The following ENTREP2 variants were observed in gnomAD, a reference collection of about 807,000 sequenced individuals.
ENTREP2 encodes the protein endosomal transmembrane epsin interactor 2, also known as protein ENTREP2.
At chr15:29,625,879 G>C in the ENTREP2 span, among the ~76,000 whole-genome samples, 1 of 148,098 alleles carries the variant, frequency 6.8e-6, no homozygotes, top group Non-Finnish European at 1.5e-5. Flanking sequence ...TTTATTTTTT[G>C]CTCTGTGCCC....
the ENTREP2 span, among the ~76,000 whole-genome samples, chr15:29,143,354 C>T: frequency 6.6e-6 from 1 of 152,234 alleles, no homozygotes; most frequent in Non-Finnish European, 1.5e-5. Flanking sequence ...CAGCCTGGGT[C>T]CTTCCTGCTA....
At chr15:29,305,102 G>A in the ENTREP2 span, among the ~76,000 whole-genome samples, 2 of 152,164 alleles carry the variant, frequency 1.3e-5, no homozygotes, top group East Asian at 1.9e-4. Context: ...TTTGTTCCCT[G>A]ATCTATCTCA....
the ENTREP2 span, among the ~76,000 whole-genome samples, chr15:29,478,581 C>T: frequency 2.6e-5 from 4 of 151,810 alleles, no homozygotes; most frequent in African/African-American, 9.7e-5. Context: ...CCGTCTTTGT[C>T]ATATTGAGTT....
the ENTREP2 span, among the ~76,000 whole-genome samples, chr15:29,533,020 T>G: frequency 5.1e-4 from 77 of 152,294 alleles, no homozygotes; most frequent in Non-Finnish European, 1.0e-3. Context: ...GAAATGGCCA[T>G]GTGCTCAGTG....
the ENTREP2 span, among the ~76,000 whole-genome samples, chr15:29,239,713 G>T: frequency 0.032 from 4,887 of 152,108 alleles, 257 homozygotes; most frequent in African/African-American, 0.11. Context: ...TGTAATAATG[G>T]GTAAGCACAA....
the ENTREP2 span, among the ~76,000 whole-genome samples, chr15:29,456,257 A>T: frequency 1.3e-5 from 2 of 152,200 alleles, no homozygotes; most frequent in East Asian, 3.8e-4. Context: ...AATACCATAC[A>T]GCTGGTTTGT....
chr15:29,395,731 G>C, the ENTREP2 span, among the ~76,000 whole-genome samples: 1 of 151,426 alleles, frequency 6.6e-6, no homozygotes, highest in Admixed American at 6.6e-5. Flanking sequence ...TGGGGGTTTC[G>C]CCACGTTGCC....
chr15:29,532,420 A>G, the ENTREP2 span, among the ~76,000 whole-genome samples: 2 of 152,226 alleles, frequency 1.3e-5, no homozygotes, highest in Admixed American at 1.3e-4. Context: ...TTAGGCATTT[A>G]TTCAAAATCA....
chr15:29,203,201 G>A, the ENTREP2 span, among the ~76,000 whole-genome samples: 1 of 152,224 alleles, frequency 6.6e-6, no homozygotes, highest in African/African-American at 2.4e-5. Flanking sequence ...AGGAGATCGA[G>A]ACCATCCTGG....
At chr15:29,498,750 TA>T in the ENTREP2 span, among the ~76,000 whole-genome samples, 1 of 152,186 alleles carries the variant, frequency 6.6e-6, no homozygotes, top group African/African-American at 2.4e-5. Context: ...GAAAGTTAGG[TA>T]ATGAGGTCCC....
At chr15:29,658,219 G>C in the ENTREP2 span, among the ~76,000 whole-genome samples, 1 of 152,104 alleles carries the variant, frequency 6.6e-6, no homozygotes, top group Admixed American at 6.5e-5. Context: ...AGATCTGATG[G>C]TTTTATAAGG....
chr15:29,407,358 G>A, the ENTREP2 span, among the ~76,000 whole-genome samples: 228 of 152,300 alleles, frequency 1.5e-3, no homozygotes, highest in African/African-American at 5.2e-3. Flanking sequence ...TGAGGGAAGC[G>A]TTGGTGTGTG....
the ENTREP2 span, among the ~76,000 whole-genome samples, chr15:29,394,350 C>G: frequency 1.3e-5 from 2 of 151,946 alleles, no homozygotes; most frequent in Non-Finnish European, 2.9e-5. Flanking sequence ...TGTCATTGAA[C>G]TATGTGGAGG....
the ENTREP2 span, among the ~76,000 whole-genome samples, chr15:29,205,936 G>A: frequency 1.8e-4 from 27 of 152,302 alleles, no homozygotes; most frequent in East Asian, 4.4e-3. Context: ...TGCTGCAGAG[G>A]TAAGCATCTC....
chr15:29,582,512 G>A, the ENTREP2 span, among the ~76,000 whole-genome samples: 1 of 152,108 alleles, frequency 6.6e-6, no homozygotes, highest in Admixed American at 6.5e-5. Flanking sequence ...TTAGATAGTG[G>A]CATATTTGAA....
At chr15:29,457,828 G>A in the ENTREP2 span, among the ~76,000 whole-genome samples, 1 of 152,046 alleles carries the variant, frequency 6.6e-6, no homozygotes. Flanking sequence ...AGGACCACAC[G>A]AACCCCAAAT....
At chr15:29,450,701 C>T in the ENTREP2 span, among the ~76,000 whole-genome samples, 1 of 152,166 alleles carries the variant, frequency 6.6e-6, no homozygotes, top group African/African-American at 2.4e-5. Context: ...ATAGCAAAGA[C>T]ACTGAATCAA....
chr15:29,303,634 C>T, the ENTREP2 span, among the ~76,000 whole-genome samples: 17 of 110,000 alleles, frequency 1.5e-4, no homozygotes, highest in Non-Finnish European at 3.2e-4. Flanking sequence ...TTGATCCTAA[C>T]CCCCCTCCCC....
At chr15:29,340,923 A>G in the ENTREP2 span, among the ~76,000 whole-genome samples, 1 of 151,990 alleles carries the variant, frequency 6.6e-6, no homozygotes, top group Non-Finnish European at 1.5e-5. Flanking sequence ...TTTCCATTCT[A>G]TTTTCCCTTT....
Sources: allele counts gnomAD v4.1 joint callset (sites outside exome capture counted in the v4.1 genomes callset), GRCh38; gene constraint gnomAD v4.1.1; transcripts MANE v1.5; gene names NCBI Gene and HGNC (gene_info 2026-07-23, HGNC 2026-07-21).